Variants in STK39 observed in about 807,000 individuals in gnomAD.
STK39 encodes the protein serine/threonine kinase 39, also known as STE20/SPS1-related proline-alanine-rich protein kinase.
A neutral mutation model predicts 77.8 loss-of-function variants in STK39; 20 were observed. The observed-to-expected ratio is 0.26, with a 90% CI of 0.18 to 0.37. STK39 has a LOEUF of 0.37. Ranked by LOEUF, STK39 falls within the 10% of genes least tolerant of loss-of-function variation. The probability of loss-of-function intolerance (pLI) is 1.00; values close to 1 mark genes in which losing one functional copy is unlikely to be tolerated. For missense variants in STK39, 479 were observed against 656.5 expected, an observed-to-expected ratio of 0.73 and a Z score of 2.95; for synonymous variants, 246 against 234.1, an observed-to-expected ratio of 1.05 and a Z score of -0.47.
Position 168,093,501 on chromosome 2 carries a change from C to A in STK39, c.1090-18270G>T, listed in dbSNP as rs114194927. 5.8e-3 allele frequency among the ~76,000 whole-genome samples: 883 copies of A among 152,292 alleles called. 10 individuals carry two copies. Among genetic ancestry groups the A allele is most frequent in the African/African-American group, 0.021 (852 of 41,552 alleles). On this transcript the variant is annotated intron_variant, in intron 10 of 17. Transcript: ENST00000355999. ...AGAACAGCATGGGAAAACCCGCCCCCATGATTCAACTACCTCCCAACGGGT... is the reference window on the plus strand; with the variant it reads ...AGAACAGCATGGGAAAACCCGCCCCAATGATTCAACTACCTCCCAACGGGT...
intron 14 of STK39, among the ~76,000 whole-genome samples, chr2:168,022,084 T>C (rs1288329328): frequency 3.9e-5 from 6 of 152,222 alleles, no homozygotes; most frequent in Admixed American, 3.9e-4. Flanking sequence ...TGTTAGTTTG[T>C]AGAGAGTTTT....
intron 5 of STK39, among the ~76,000 whole-genome samples, chr2:168,158,777 T>G (rs1688498672): frequency 1.3e-5 from 2 of 152,164 alleles, no homozygotes; most frequent in Admixed American, 1.3e-4. Flanking sequence ...GAGGACTGAA[T>G]GAGACTCAAA....
chr2:168,062,872 A>G (rs952853226), intron 14 of STK39, among the ~76,000 whole-genome samples: 2 of 152,212 alleles, frequency 1.3e-5, no homozygotes, highest in African/African-American at 4.8e-5. Context: ...TTGTCTTGAG[A>G]TATCAAATTC....
intron 1 of STK39, among the ~76,000 whole-genome samples, chr2:168,211,412 T>G (rs1452115971): frequency 6.6e-6 from 1 of 152,202 alleles, no homozygotes; most frequent in African/African-American, 2.4e-5. Flanking sequence ...ACCACATATG[T>G]GCACCTGTTT....
intron 4 of STK39, among the ~76,000 whole-genome samples, chr2:168,163,352 T>C (rs1688623395): frequency 6.6e-6 from 1 of 152,242 alleles, no homozygotes; most frequent in Admixed American, 6.5e-5. Context: ...GTTCAACTAG[T>C]ATAATTCAAG....
Position 168,129,734 on chromosome 2 carries a change from T to C in STK39, c.999A>G (p.Lys333=). 2 of 1,614,038 alleles carry C rather than the reference T, an allele frequency of 1.2e-6. No homozygotes were observed. The highest frequency in any genetic ancestry group is 3.3e-4 in the Middle Eastern group (2 of 6,002). Residue 333 remains lysine (K), a synonymous_variant, in exon 9 of 18, where the codon AAA becomes AAG. Transcript: ENST00000355999. ...CCTTGGCTTTCTGGAAGAATTTGCA[T>C]TTTAAAAGTTCTGCTGCTGTGGGCC... ...SKRPTAAELL[K]CKFFQKAKNR...
At chr2:168,165,642 A>G (rs982648650) in intron 3 of STK39, among the ~76,000 whole-genome samples, 1 of 151,430 alleles carries the variant, frequency 6.6e-6, no homozygotes, top group Non-Finnish European at 1.5e-5. Context: ...ACAATGACTA[A>G]TAAGACTGAG....
intron 10 of STK39, among the ~76,000 whole-genome samples, chr2:168,106,122 G>A (rs886316084): frequency 1.3e-5 from 2 of 152,144 alleles, no homozygotes; most frequent in African/African-American, 2.4e-5. Context: ...ACCACCATGC[G>A]CAGCTAATTG....
rs189996600 is a variant in STK39, at chr2:168,189,439, G to A, written c.209-7349C>T. 1.6e-3 allele frequency among the ~76,000 whole-genome samples: 248 copies of A among 151,542 alleles called. 1 individual carries two copies. The highest frequency in any genetic ancestry group is 5.7e-3 in the African/African-American group (237 of 41,392). ...AAAAAAAAAACCAAAAAACCCTACA[G>A]TGAGTACACTTACTGAACATGCAGA... On this transcript the variant is annotated intron_variant, in intron 1 of 17. Coordinates refer to ENST00000355999, the MANE Select transcript of STK39 (RefSeq NM_013233.3).
chr2:168,092,086 A>G (rs80116497), intron 10 of STK39, among the ~76,000 whole-genome samples: 2,420 of 152,338 alleles, frequency 0.016, 65 homozygotes, highest in African/African-American at 0.056. Flanking sequence ...CATTGTTGTC[A>G]GGGTCTCTCT....
chr2:168,106,363 T>C (rs1686973681), intron 10 of STK39, among the ~76,000 whole-genome samples: 1 of 152,320 alleles, frequency 6.6e-6, no homozygotes, highest in East Asian at 1.9e-4. Flanking sequence ...CTTGGCGCAA[T>C]CTTTGACTTA....
chr2:168,137,112 T>A (rs1199811602), intron 8 of STK39, among the ~76,000 whole-genome samples: 2 of 152,238 alleles, frequency 1.3e-5, no homozygotes, highest in Non-Finnish European at 2.9e-5. Context: ...AAACTGTAAG[T>A]TACTGTGTAA....
chr2:168,240,005 G>A (rs1239419626), intron 1 of STK39, among the ~76,000 whole-genome samples: 1 of 152,168 alleles, frequency 6.6e-6, no homozygotes, highest in Non-Finnish European at 1.5e-5. Flanking sequence ...TTTTTTATAT[G>A]TACACTTTTC....
rs753543994 is a variant in STK39 at position 168,140,635 on chromosome 2, T to C, written c.738+14A>G. The stretch of plus-strand genomic sequence containing the variant: ...ACTATGTCCATCAAAAAGTCACTTT[T>C]TTTGTTTTTTTACCTGTTCCATGAC... On this transcript the variant is annotated intron_variant, in intron 6 of 17. Transcript: ENST00000355999. 3.2e-6 allele frequency: 5 copies of C among 1,580,908 alleles called. No individual in the cohort carries two copies. The highest frequency in any genetic ancestry group is 1.8e-5 in the Admixed American group (1 of 54,110).
chr2:168,229,614 G>A (rs868839010), intron 1 of STK39, among the ~76,000 whole-genome samples: 12 of 152,136 alleles, frequency 7.9e-5, no homozygotes, highest in South Asian at 6.2e-4. Context: ...TGACTTCAAA[G>A]TAAAGAAACT....
chr2:168,239,843 C>G (rs1047267554), intron 1 of STK39, among the ~76,000 whole-genome samples: 3 of 152,152 alleles, frequency 2.0e-5, no homozygotes, highest in Non-Finnish European at 2.9e-5. Flanking sequence ...AAAGACCCAA[C>G]AGAGCCTGAA....
rs869096206 is a variant in STK39 at position 168,206,302 on chromosome 2, C to CTTT, written c.209-24215_209-24213dup. On this transcript the variant is annotated intron_variant, in intron 1 of 17. Transcript: ENST00000355999. ...GATCCAGACTCTTTTTCTTTTCTTT[C>CTTT]TTTTTTTTTTTTTTTGAGACGGGGT... is the stretch of plus-strand genomic sequence containing the variant. 2.8e-3 allele frequency among the ~76,000 whole-genome samples: 398 copies of CTTT among 141,728 alleles called. 2 individuals are homozygous for CTTT. The highest frequency in any genetic ancestry group is 0.01 in the African/African-American group (387 of 38,516). 93.0% of individuals were successfully genotyped at this position (141,728 alleles called of 152,430 possible). A position where few individuals can be genotyped will look rare whatever the true frequency, so the allele number is the denominator to read the frequency against.
chr2:168,003,880 T>G (rs1478567056), intron 16 of STK39, among the ~76,000 whole-genome samples: 1 of 152,226 alleles, frequency 6.6e-6, no homozygotes, highest in Non-Finnish European at 1.5e-5. Context: ...TGAAAGTCAA[T>G]ATCAGTGAAT....
chr2:168,226,655 G>A (rs1219282629), intron 1 of STK39, among the ~76,000 whole-genome samples: 10 of 121,032 alleles, frequency 8.3e-5, no homozygotes, highest in Non-Finnish European at 1.6e-4. Context: ...ATTTTCTCCT[G>A]ACCTTAGATA....
Sources: gnomAD v4.1 joint callset for allele counts (sites outside exome capture counted in the v4.1 genomes callset) on GRCh38, gnomAD v4.1.1 for gene constraint, MANE v1.5 for transcripts, NCBI Gene and HGNC (gene_info 2026-07-23, HGNC 2026-07-21) for gene names.